NFATC3: variants seen among roughly 807,000 people sequenced by gnomAD.
The protein encoded by NFATC3 is nuclear factor of activated T-cells, cytoplasmic 3.
NFATC3 carries 46 observed loss-of-function variants against 98.6 expected under a neutral mutation model. The observed-to-expected ratio is 0.47, with a 90% CI of 0.37 to 0.60. NFATC3 has a LOEUF of 0.60. NFATC3 is among the 20% of genes least tolerant of loss of function. NFATC3 has a pLI of 0.00. For synonymous variants in NFATC3, 512 were observed against 472.2 expected (o/e 1.08, Z -1.09); for missense variants, 1,256 against 1,295.5 (o/e 0.97, Z 0.47).
At chr16:68,162,480 A>G (rs1267099946) in intron 4 of NFATC3, among the ~76,000 whole-genome samples, 2 of 152,160 alleles carry the variant, frequency 1.3e-5, no homozygotes, top group African/African-American at 4.8e-5. Context: ...TTAAGTATGT[A>G]TTAAGTGTCT....
intron 3 of NFATC3, among the ~76,000 whole-genome samples, chr16:68,141,201 T>C (rs1214737289): frequency 6.6e-6 from 1 of 152,036 alleles, no homozygotes; most frequent in African/African-American, 2.4e-5. Flanking sequence ...CTTCATCTAC[T>C]CATGGCTGAT....
intron 1 of NFATC3, among the ~76,000 whole-genome samples, chr16:68,102,967 A>G (rs1320023039): frequency 6.6e-6 from 1 of 152,062 alleles, no homozygotes; most frequent in Non-Finnish European, 1.5e-5. Flanking sequence ...GTGATGTTGA[A>G]CATCTTTTCA....
intron 1 of NFATC3, among the ~76,000 whole-genome samples, chr16:68,121,215 CTAGGAA>C (rs1201653658): frequency 6.7e-6 from 1 of 148,584 alleles, no homozygotes; most frequent in Non-Finnish European, 1.5e-5. Flanking sequence ...TCTTTGCAGC[CTAGGAA>C]TATCTCATTT....
intron 3 of NFATC3, among the ~76,000 whole-genome samples, chr16:68,153,619 A>T (rs1018531557): frequency 1.3e-5 from 2 of 151,700 alleles, no homozygotes; most frequent in African/African-American, 2.4e-5. Flanking sequence ...TATTATTATT[A>T]TTTTTATTTT....
At chr16:68,137,486 G>A (rs2037485142) in intron 3 of NFATC3, among the ~76,000 whole-genome samples, 1 of 152,042 alleles carries the variant, frequency 6.6e-6, no homozygotes, top group Admixed American at 6.5e-5. Flanking sequence ...GGTGATCTGA[G>A]GTTATGTATG....
chr16:68,191,388 T>C lies in NFATC3; in HGVS notation c.2719T>C (p.Ser907Pro), dbSNP rs547659682. ...GGCTGACCAGATTACAGGTCAGCCT[T>C]CGTCTCAGTTACAACCTATTACATA... Reference protein sequence around the residue: ...PVADQITGQPSSQLQPITYGP... With the variant: ...PVADQITGQPPSQLQPITYGP... Residue 907 changes from serine to proline, a missense_variant, in exon 9 of 10, where the codon TCG (serine) becomes CCG (proline). Transcript: ENST00000346183. 83 of 1,614,178 alleles carry C rather than the reference T, an allele frequency of 5.1e-5. No individual in the cohort carries two copies. The South Asian group carries it at 8.2e-4, about 16-fold the overall frequency.
intron 9 of NFATC3, among the ~76,000 whole-genome samples, chr16:68,201,579 GT>G (rs1397664949): frequency 6.6e-6 from 1 of 151,416 alleles, no homozygotes; most frequent in African/African-American, 2.4e-5. Context: ...TTGTCAAGCT[GT>G]TTTAAACATT....
chr16:68,201,934 G>A (rs549635132), intron 9 of NFATC3, among the ~76,000 whole-genome samples: 2 of 132,298 alleles, frequency 1.5e-5, no homozygotes, highest in East Asian at 4.4e-4. Flanking sequence ...CTCCAGCCTG[G>A]GCAACAGAGT....
In NFATC3 at chr16:68,174,437, A is replaced by G; in HGVS notation, c.1838A>G (p.Asn613Ser). Residue 613 changes from asparagine to serine, a missense_variant, in exon 6 of 10, where the codon AAT (asparagine) becomes AGT (serine). Physicochemically the swap from Asn to Ser is conservative, Grantham distance 46. Transcript: ENST00000346183. ...TACAGTATCAACAGTTGTTCTGTAA[A>G]TGGAGGTCATGAAATGGTTGTGACT... ...EKYSINSCSV[N>S]GGHEMVVTGS... is the part of the protein sequence containing the mutation. The G allele has an allele frequency of 1.9e-6, 3 of 1,606,968 alleles. No homozygotes were observed. Among genetic ancestry groups the G allele is most frequent in the Non-Finnish European group, 1.7e-6 (2 of 1,176,526 alleles).
intron 3 of NFATC3, among the ~76,000 whole-genome samples, chr16:68,137,791 T>G (rs1349810314): frequency 1.3e-5 from 2 of 151,776 alleles, no homozygotes; most frequent in Non-Finnish European, 2.9e-5. Context: ...TTTTTTTGTA[T>G]TTTTTTAGTA....
intron 1 of NFATC3, among the ~76,000 whole-genome samples, chr16:68,092,221 T>G (rs1005647597): frequency 6.6e-6 from 1 of 151,896 alleles, no homozygotes; most frequent in African/African-American, 2.4e-5. Context: ...TTTGGGAGGC[T>G]GAGGCGGGTG....
In NFATC3 at chr16:68,191,139, A is replaced by G; in HGVS notation, c.2470A>G (p.Ser824Gly). The G allele has an allele frequency of 6.2e-7, 1 of 1,614,216 alleles. No individual in the cohort carries two copies. The highest frequency in any genetic ancestry group is 8.5e-7 in the Non-Finnish European group (1 of 1,180,050). The change falls in exon 9 of 10, where the codon AGT (serine) becomes GGT (glycine). Residue 824 changes from serine to glycine, a missense_variant. By Grantham distance (56) the Ser-to-Gly change is moderately conservative (BLOSUM62 0). This residue lies in a region of NFATC3 where 636 missense variants were observed against 617.3 expected (regional missense o/e 1.03). Coordinates refer to ENST00000346183, the MANE Select transcript of NFATC3 (RefSeq NM_173165.3). ...TTGTCTTCCTATTAATGCTGCCTCT[A>G]GTCAAGAATTTGATTCAGTTTTGTT... ...PTCLPINAAS[S>G]QEFDSVLFQQ...
intron 1 of NFATC3, among the ~76,000 whole-genome samples, chr16:68,117,071 A>G (rs951169895): frequency 2.0e-5 from 3 of 152,164 alleles, no homozygotes; most frequent in Non-Finnish European, 2.9e-5. Flanking sequence ...TAAGCATATA[A>G]TATTATGGGA....
At chr16:68,143,976 C>T (rs1040191848) in intron 3 of NFATC3, among the ~76,000 whole-genome samples, 1 of 152,078 alleles carries the variant, frequency 6.6e-6, no homozygotes, top group Non-Finnish European at 1.5e-5. Flanking sequence ...AAGCACCATA[C>T]CTAAAAGAAA....
At chr16:68,098,051 T>C (rs894961179) in intron 1 of NFATC3, among the ~76,000 whole-genome samples, 1 of 152,122 alleles carries the variant, frequency 6.6e-6, no homozygotes, top group African/African-American at 2.4e-5. Flanking sequence ...TAATTTTTAT[T>C]GGGGAGTAGT....
At position 68,194,176 on chromosome 16, in the gene NFATC3, G is replaced by A. The variant is rs553308512; in HGVS notation, c.3106+2401G>A. On this transcript the variant is annotated intron_variant, in intron 9 of 9. Transcript: ENST00000346183. Reference sequence around the variant, plus strand: ...CTAGTAAGCAGCAGAACTGAGACTGGTTCAATCCAGTCTTTTTCTTGTGGC... The same window carrying A: ...CTAGTAAGCAGCAGAACTGAGACTGATTCAATCCAGTCTTTTTCTTGTGGC... 3.3e-5 allele frequency among the ~76,000 whole-genome samples: 5 copies of A among 152,268 alleles called. No homozygotes were observed. The South Asian group carries it at 1.0e-3, about 32-fold the overall frequency.
intron 7 of NFATC3, among the ~76,000 whole-genome samples, chr16:68,181,949 T>C (rs181110757): frequency 1.3e-5 from 2 of 152,136 alleles, no homozygotes; most frequent in Admixed American, 1.3e-4. Context: ...TTCTAGCGGT[T>C]TGGAAGTAAA....
chr16:68,215,315 T>G (rs2041589750), intron 9 of NFATC3, among the ~76,000 whole-genome samples: 1 of 152,198 alleles, frequency 6.6e-6, no homozygotes, highest in Admixed American at 6.5e-5. Flanking sequence ...ATTCCTGCAT[T>G]GAATGTATAT....
At chr16:68,221,195 G>A (rs1212256957) in intron 9 of NFATC3, 13 of 1,613,750 alleles carry the variant, frequency 8.1e-6, no homozygotes, top group Non-Finnish European at 9.3e-6. Context: ...TTACATCATA[G>A]ATTTGTTTAC....
Sources: allele counts gnomAD v4.1 joint callset (sites outside exome capture counted in the v4.1 genomes callset), GRCh38; gene constraint gnomAD v4.1.1; regional missense constraint gnomAD v4.1.1; transcripts MANE v1.5; gene names NCBI Gene and HGNC (gene_info 2026-07-23, HGNC 2026-07-21).